Variants in UTRN observed in about 807,000 individuals in gnomAD.
The protein encoded by UTRN is dystrophin-related protein 1.
Under a neutral mutation model 463.9 loss-of-function variants are expected in UTRN, and 283 were observed. The observed-to-expected ratio is 0.61, with a 90% confidence interval of 0.55 to 0.67. The LOEUF is 0.67. UTRN is among the 30% of genes least tolerant of loss of function. The pLI, the probability that UTRN is intolerant of heterozygous loss-of-function variation, is 0.00. For missense variants in UTRN, 3,922 were observed against 4,084.3 expected (o/e 0.96, Z 1.08); for synonymous variants, 1,442 against 1,431.5 (o/e 1.01, Z -0.17).
At chr6:144,820,272 T>G (rs1181612232) in intron 65 of UTRN, among the ~76,000 whole-genome samples, 1 of 152,110 alleles carries the variant, frequency 6.6e-6, no homozygotes, top group Non-Finnish European at 1.5e-5. Context: ...CTATTAAAAA[T>G]GTAGTTCAGG....
intron 23 of UTRN, among the ~76,000 whole-genome samples, chr6:144,465,038 G>A (rs987361370): frequency 2.6e-5 from 4 of 152,156 alleles, no homozygotes; most frequent in Non-Finnish European, 4.4e-5. Context: ...GTAGAGGCCA[G>A]GGATGCAGCT....
chr6:144,695,325 C>T (rs1454440500), intron 52 of UTRN, among the ~76,000 whole-genome samples: 1 of 151,394 alleles, frequency 6.6e-6, no homozygotes, highest in Non-Finnish European at 1.5e-5. Flanking sequence ...TTTTCATTCT[C>T]TTTGGATAGC....
chr6:144,717,628 T>A, intron 53 of UTRN, among the ~76,000 whole-genome samples: 1 of 106,344 alleles, frequency 9.4e-6, no homozygotes, highest in Non-Finnish European at 1.6e-5. Flanking sequence ...TTTTCTTTTC[T>A]TTTTTCTTTT....
At chr6:144,720,354 T>C (rs1004204796) in intron 53 of UTRN, among the ~76,000 whole-genome samples, 1 of 152,234 alleles carries the variant, frequency 6.6e-6, no homozygotes, top group Non-Finnish European at 1.5e-5. Context: ...TGGGAATCTC[T>C]GTATAGACAT....
chr6:144,836,851 A>G (rs1023763185), intron 71 of UTRN, among the ~76,000 whole-genome samples: 1 of 152,226 alleles, frequency 6.6e-6, no homozygotes, highest in African/African-American at 2.4e-5. Context: ...ATACATGGGA[A>G]GCATCTGTAT....
At chr6:144,566,808 A>T (rs996878147) in intron 50 of UTRN, among the ~76,000 whole-genome samples, 3 of 152,128 alleles carry the variant, frequency 2.0e-5, no homozygotes, top group Non-Finnish European at 4.4e-5. Context: ...AGCTTCTCAA[A>T]CTGAGGCATA....
intron 2 of UTRN, among the ~76,000 whole-genome samples, chr6:144,316,691 A>G (rs1465581396): frequency 6.6e-6 from 1 of 152,222 alleles, no homozygotes; most frequent in African/African-American, 2.4e-5. Context: ...AAAATAACAG[A>G]GGGAGGCAGA....
chr6:144,770,162 A>G (rs570926668), intron 58 of UTRN, among the ~76,000 whole-genome samples: 1 of 152,166 alleles, frequency 6.6e-6, no homozygotes. Flanking sequence ...TCCAAGACAG[A>G]TCTTCACATT....
chr6:144,419,973 G>GACACAC (rs60093118), intron 3 of UTRN, among the ~76,000 whole-genome samples: 317 of 148,004 alleles, frequency 2.1e-3, no homozygotes, highest in Middle Eastern at 3.5e-3. Flanking sequence ...CACAGACACA[G>GACACAC]ACACACACAC....
chr6:144,667,458 A>C (rs1387656794), intron 51 of UTRN, among the ~76,000 whole-genome samples: 1 of 152,212 alleles, frequency 6.6e-6, no homozygotes, highest in Non-Finnish European at 1.5e-5. Context: ...GGTGTGGTTC[A>C]TCGATAATGA....
chr6:144,803,975 G>GCCCCA (rs1349485364), intron 65 of UTRN, among the ~76,000 whole-genome samples: 1 of 151,828 alleles, frequency 6.6e-6, no homozygotes, highest in Non-Finnish European at 1.5e-5. Flanking sequence ...ATTTTACTAA[G>GCCCCA]CCCCACCAGT....
At chr6:144,667,493 T>C (rs1182547845) in intron 51 of UTRN, among the ~76,000 whole-genome samples, 1 of 152,202 alleles carries the variant, frequency 6.6e-6, no homozygotes, top group African/African-American at 2.4e-5. Context: ...AACAGGAAAT[T>C]TGAAGCCAGG....
intron 74 of UTRN, among the ~76,000 whole-genome samples, chr6:144,847,780 C>G (rs1458076494): frequency 6.6e-6 from 1 of 152,120 alleles, no homozygotes; most frequent in Non-Finnish European, 1.5e-5. Flanking sequence ...TTGCAAGTAG[C>G]TGCTTAGGAA....
At chr6:144,538,539 A>G (rs778535070) in intron 44 of UTRN, among the ~76,000 whole-genome samples, 6 of 151,906 alleles carry the variant, frequency 3.9e-5, no homozygotes, top group Non-Finnish European at 7.4e-5. Flanking sequence ...CCGTGGTGGC[A>G]GGCGCATGTA....
rs1795403440 is a variant in UTRN, at chr6:144,514,099, C to T, written c.5073+62C>T. On this transcript the variant is annotated intron_variant, in intron 36 of 74. Transcript: ENST00000367545. The stretch of plus-strand genomic sequence containing the variant: ...GGCATGTTTTGTTGTCATGTTTTCT[C>T]TTCTGGAATGCTCTAAGTTACTTAG... The T allele has an allele frequency of 4.4e-6, 7 of 1,599,582 alleles. No individual in the cohort carries two copies. In the South Asian group the frequency reaches 7.9e-5, roughly 18 times the overall value.
chr6:144,608,411 C>T (rs1299487515), intron 51 of UTRN, among the ~76,000 whole-genome samples: 1 of 152,178 alleles, frequency 6.6e-6, no homozygotes, highest in Non-Finnish European at 1.5e-5. Context: ...GGGCCTCATT[C>T]TCTGTTCCCC....
chr6:144,461,419 A>G, intron 22 of UTRN, 77 bp downstream of exon 22: 2 of 1,338,082 alleles, frequency 1.5e-6, no homozygotes, highest in Non-Finnish European at 1.9e-6. Context: ...ATGTTTTTTC[A>G]GAGATTAAAA....
At chr6:144,580,229 GTGGTGGTGC>G (rs71552923) in intron 51 of UTRN, among the ~76,000 whole-genome samples, 1 of 151,016 alleles carries the variant, frequency 6.6e-6, no homozygotes, top group African/African-American at 2.4e-5. Context: ...GGCAGTGGTG[GTGGTGGTGC>G]TGGTGGTGCA....
intron 41 of UTRN, among the ~76,000 whole-genome samples, chr6:144,528,267 C>G (rs903005637): frequency 7.2e-5 from 11 of 152,156 alleles, no homozygotes. Flanking sequence ...AACTGCTGAC[C>G]TCAGGTTATC....
Sources: gnomAD v4.1 joint callset for allele counts (sites outside exome capture counted in the v4.1 genomes callset) on GRCh38, gnomAD v4.1.1 for gene constraint, MANE v1.5 for transcripts, NCBI Gene and HGNC (gene_info 2026-07-23, HGNC 2026-07-21) for gene names.